EYS: variants seen among roughly 807,000 people sequenced by gnomAD.
The protein encoded by EYS is EGF-like photoreceptor maintenance factor.
In EYS, 250 loss-of-function variants were observed where a neutral mutation model predicts 282.1. That is an observed-to-expected ratio of 0.89 (90% CI 0.80 to 0.98). The LOEUF is 0.98. Ranked by LOEUF, EYS falls within the 50% of genes least tolerant of loss-of-function variation. The probability of loss-of-function intolerance (pLI) is 0.00; values close to 1 mark genes in which losing one functional copy is unlikely to be tolerated. For synonymous variants in EYS, 1,355 were observed against 1,282.9 expected (o/e 1.06, Z -1.20); for missense variants, 4,016 against 3,709.0 (o/e 1.08, Z -2.15).
intron 22 of EYS, among the ~76,000 whole-genome samples, chr6:64,783,050 G>A (rs901188543): frequency 6.6e-6 from 1 of 152,126 alleles, no homozygotes; most frequent in Non-Finnish European, 1.5e-5. Flanking sequence ...GTTTAGTCCT[G>A]TCTGGGACGT....
At chr6:64,378,105 G>C (rs111562677) in intron 29 of EYS, among the ~76,000 whole-genome samples, 1,657 of 152,212 alleles carry the variant, frequency 0.011, 31 homozygotes, top group African/African-American at 0.038. Flanking sequence ...TATACATGAT[G>C]TGTTTCCTCC....
intron 26 of EYS, among the ~76,000 whole-genome samples, chr6:64,455,882 G>T (rs1043199673): frequency 6.6e-6 from 1 of 151,892 alleles, no homozygotes; most frequent in Admixed American, 6.6e-5. Context: ...CATTAATTAC[G>T]TTTGTTCACT....
intron 31 of EYS, among the ~76,000 whole-genome samples, chr6:64,191,634 C>T (rs921528305): frequency 6.6e-6 from 1 of 152,134 alleles, no homozygotes; most frequent in African/African-American, 2.4e-5. Flanking sequence ...CAATTTCATC[C>T]ATGTCCCTAC....
At chr6:64,265,261 G>C (rs1767718971) in intron 30 of EYS, among the ~76,000 whole-genome samples, 1 of 152,080 alleles carries the variant, frequency 6.6e-6, no homozygotes, top group African/African-American at 2.4e-5. Context: ...CCATTGTATT[G>C]ATAGTTTGCT....
At chr6:64,477,229 A>G (rs1442522359) in intron 26 of EYS, among the ~76,000 whole-genome samples, 1 of 152,108 alleles carries the variant, frequency 6.6e-6, no homozygotes. Flanking sequence ...CCACCTACAG[A>G]TTTAATGCTG....
intron 35 of EYS, among the ~76,000 whole-genome samples, chr6:63,884,331 A>T (rs566452376): frequency 6.6e-6 from 1 of 152,118 alleles, no homozygotes; most frequent in East Asian, 1.9e-4. Context: ...CAAATTTTAG[A>T]TGCAGCTGTC....
At chr6:65,213,175 G>T (rs1347938151) in intron 12 of EYS, among the ~76,000 whole-genome samples, 1 of 152,108 alleles carries the variant, frequency 6.6e-6, no homozygotes, top group Non-Finnish European at 1.5e-5. Context: ...ACTTAAAATA[G>T]AATTTTGAGA....
chr6:65,158,802 G>T (rs1186684130), intron 12 of EYS, among the ~76,000 whole-genome samples: 1 of 150,774 alleles, frequency 6.6e-6, no homozygotes, highest in Non-Finnish European at 1.5e-5. Context: ...TTTTATTTCA[G>T]CACAAAAGAT....
chr6:64,384,271 A>T (rs973569766), intron 29 of EYS, among the ~76,000 whole-genome samples: 6 of 149,884 alleles, frequency 4.0e-5, no homozygotes, highest in African/African-American at 1.2e-4. Flanking sequence ...ACTAGAAATT[A>T]AAAAAAATTA....
At chr6:64,005,926 TG>T (rs1440185358) in intron 33 of EYS, among the ~76,000 whole-genome samples, 2 of 152,170 alleles carry the variant, frequency 1.3e-5, no homozygotes, top group Non-Finnish European at 2.9e-5. Flanking sequence ...TTGCACTTTT[TG>T]CTTTGGATTG....
intron 24 of EYS, among the ~76,000 whole-genome samples, chr6:64,615,606 C>G (rs1370099326): frequency 6.6e-6 from 1 of 152,050 alleles, no homozygotes; most frequent in Non-Finnish European, 1.5e-5. Flanking sequence ...GCATGAATAA[C>G]ATTTCAATGT....
chr6:64,307,469 T>G (rs557919376), intron 29 of EYS, among the ~76,000 whole-genome samples: 2 of 152,110 alleles, frequency 1.3e-5, no homozygotes, highest in Non-Finnish European at 2.9e-5. Context: ...ATTATCTCAC[T>G]TATAGGTAGA....
Position 64,626,117 on chromosome 6 carries a change from T to C in EYS, c.3568+4A>G. On this transcript the variant is annotated splice_donor_region_variant and intron_variant, in intron 23 of 42. Coordinates refer to ENST00000503581, the MANE Select transcript of EYS (RefSeq NM_001142800.2). ...AGTATGCTTATTATTTTTAAAATAA[T>C]TACCTGGTTGGCATTTGCAAACATA... The C allele has an allele frequency of 6.6e-7, 1 of 1,517,310 alleles. No individual in the cohort carries two copies. The allele number at this position is 1,517,310 out of a possible 1,614,324, so 94.0% of individuals were successfully genotyped here.
intron 8 of EYS, among the ~76,000 whole-genome samples, chr6:65,361,416 T>C (rs1409391042): frequency 1.3e-5 from 2 of 151,862 alleles, no homozygotes; most frequent in Non-Finnish European, 2.9e-5. Context: ...TTTAATTTAA[T>C]GACTTGTGAG....
At chr6:64,531,920 G>GA (rs1285874105) in intron 26 of EYS, among the ~76,000 whole-genome samples, 5 of 152,036 alleles carry the variant, frequency 3.3e-5, no homozygotes, top group East Asian at 3.9e-4. Flanking sequence ...CCAGTGGGTT[G>GA]AAAAAAATTC....
chr6:65,067,351 C>G (rs1773777815), intron 12 of EYS, among the ~76,000 whole-genome samples: 1 of 151,834 alleles, frequency 6.6e-6, no homozygotes, highest in Admixed American at 6.6e-5. Flanking sequence ...GAGTCTAACA[C>G]AAACAGTAAA....
intron 36 of EYS, among the ~76,000 whole-genome samples, chr6:63,860,259 C>T (rs1470622703): frequency 6.6e-6 from 1 of 152,142 alleles, no homozygotes; most frequent in Non-Finnish European, 1.5e-5. Flanking sequence ...AGGGAGCTAA[C>T]ACTCGAGGGG....
chr6:64,297,743 C>T (rs998663680), intron 30 of EYS, among the ~76,000 whole-genome samples: 2 of 152,016 alleles, frequency 1.3e-5, no homozygotes, highest in African/African-American at 2.4e-5. Context: ...TCTGAGAGGC[C>T]GAGGCAGGTG....
At chr6:64,014,378 T>C (rs924426397) in intron 33 of EYS, among the ~76,000 whole-genome samples, 1 of 152,158 alleles carries the variant, frequency 6.6e-6, no homozygotes, top group Non-Finnish European at 1.5e-5. Flanking sequence ...GTTTTTTTGT[T>C]TTCTAATAAT....
Sources: allele counts gnomAD v4.1 joint callset (sites outside exome capture counted in the v4.1 genomes callset), GRCh38; gene constraint gnomAD v4.1.1; transcripts MANE v1.5; gene names NCBI Gene and HGNC (gene_info 2026-07-23, HGNC 2026-07-21).